The following FHIT variants were observed in gnomAD, a reference collection of about 807,000 sequenced individuals.
The protein encoded by FHIT is fragile histidine triad diadenosine triphosphatase.
Under a neutral mutation model 17.9 loss-of-function variants are expected in FHIT, and 19 were observed. The observed-to-expected ratio is 1.06, with a 90% CI of 0.74 to 1.56. The LOEUF is 1.56. Among genes scored for constraint, FHIT ranks in the 40% most tolerant of loss-of-function variants. The pLI is 0.00. For missense variants in FHIT, 248 were observed against 189.2 expected (o/e 1.31, Z -1.82); for synonymous variants, 81 against 69.7 (o/e 1.16, Z -0.81).
intron 5 of FHIT, among the ~76,000 whole-genome samples, chr3:60,205,867 G>A (rs1010039861): frequency 2.0e-5 from 3 of 151,868 alleles, no homozygotes. Context: ...CCAGCATTTT[G>A]GGAGGCCGAG....
intron 5 of FHIT, among the ~76,000 whole-genome samples, chr3:60,372,610 A>G (rs765379426): frequency 2.0e-5 from 3 of 152,202 alleles, no homozygotes; most frequent in Non-Finnish European, 4.4e-5. Context: ...CAATGAACAA[A>G]CAATCGAAAG....
chr3:60,333,846 G>C (rs1576491591), intron 5 of FHIT, among the ~76,000 whole-genome samples: 1 of 152,160 alleles, frequency 6.6e-6, no homozygotes, highest in Middle Eastern at 3.2e-3. Context: ...CCAGATTACT[G>C]TATTTGGACA....
At chr3:60,616,518 T>A (rs1244641453) in intron 4 of FHIT, among the ~76,000 whole-genome samples, 1 of 152,192 alleles carries the variant, frequency 6.6e-6, no homozygotes, top group Non-Finnish European at 1.5e-5. Flanking sequence ...ATATACAAAG[T>A]CAATTGTCTT....
At chr3:60,634,558 A>G (rs1326230550) in intron 4 of FHIT, among the ~76,000 whole-genome samples, 3 of 152,156 alleles carry the variant, frequency 2.0e-5, no homozygotes, top group Admixed American at 6.5e-5. Context: ...ATCGCAATCA[A>G]TAGACGTTGG....
chr3:60,225,117 G>A (rs149500116), intron 5 of FHIT, among the ~76,000 whole-genome samples: 2 of 152,198 alleles, frequency 1.3e-5, no homozygotes, highest in African/African-American at 2.4e-5. Flanking sequence ...GTCCTTCATA[G>A]CATTTTGTGT....
intron 5 of FHIT, among the ~76,000 whole-genome samples, chr3:60,351,323 A>T (rs1699384720): frequency 6.6e-6 from 1 of 152,182 alleles, no homozygotes; most frequent in African/African-American, 2.4e-5. Context: ...ACATTGAATT[A>T]CACTCAGACG....
chr3:61,154,936 C>T (rs571201008), intron 2 of FHIT, among the ~76,000 whole-genome samples: 48 of 152,358 alleles, frequency 3.2e-4, no homozygotes, highest in African/African-American at 9.6e-4. Flanking sequence ...CACATCATCT[C>T]ACCCCCTCAA....
At chr3:60,645,198 A>T (rs1186420815) in intron 4 of FHIT, among the ~76,000 whole-genome samples, 1 of 152,050 alleles carries the variant, frequency 6.6e-6, no homozygotes, top group Non-Finnish European at 1.5e-5. Flanking sequence ...TCTCCTTTGC[A>T]CAGTCCAGAA....
At chr3:60,551,231 G>A (rs890095178) in intron 4 of FHIT, among the ~76,000 whole-genome samples, 4 of 151,520 alleles carry the variant, frequency 2.6e-5, no homozygotes, top group Non-Finnish European at 4.4e-5. Context: ...GTCTTGTGTG[G>A]CGTTTCACTT....
At chr3:60,765,842 C>T (rs982549145) in intron 4 of FHIT, among the ~76,000 whole-genome samples, 1 of 152,166 alleles carries the variant, frequency 6.6e-6, no homozygotes, top group Non-Finnish European at 1.5e-5. Context: ...GTGCGATAAG[C>T]TGGCTTGCTG....
intron 5 of FHIT, among the ~76,000 whole-genome samples, chr3:60,416,115 TAAC>T (rs1358657407): frequency 1.3e-5 from 2 of 151,600 alleles, no homozygotes; most frequent in Non-Finnish European, 2.9e-5. Flanking sequence ...CCAATAAACA[TAAC>T]AAGATGGCCA....
intron 5 of FHIT, among the ~76,000 whole-genome samples, chr3:60,393,675 A>T (rs1346909815): frequency 6.6e-6 from 1 of 151,916 alleles, no homozygotes; most frequent in Non-Finnish European, 1.5e-5. Flanking sequence ...CGTTTTTTTT[A>T]TTTAAATAAA....
intron 3 of FHIT, among the ~76,000 whole-genome samples, chr3:60,995,153 T>C (rs11716427): frequency 0.51 from 77,592 of 151,434 alleles, 24,349 homozygotes; most frequent in East Asian, 0.74. Context: ...ACCCTGTCTC[T>C]ACTAAGAAAT....
chr3:60,638,358 A>G (rs1446012953), intron 4 of FHIT, among the ~76,000 whole-genome samples: 6 of 152,194 alleles, frequency 3.9e-5, no homozygotes, highest in Admixed American at 2.0e-4. Context: ...TCATAGCTGC[A>G]AAACCTTTGC....
At chr3:59,831,842 G>A (rs1360962570) in intron 8 of FHIT, among the ~76,000 whole-genome samples, 1 of 152,106 alleles carries the variant, frequency 6.6e-6, no homozygotes, top group Admixed American at 6.6e-5. Flanking sequence ...AAAGCAGGGT[G>A]ATATAGAGAG....
intron 8 of FHIT, among the ~76,000 whole-genome samples, chr3:59,813,319 C>T (rs893628892): frequency 3.3e-5 from 5 of 152,142 alleles, no homozygotes; most frequent in East Asian, 1.9e-4. Context: ...CCTGCACCAC[C>T]GGCTGCATAT....
chr3:60,752,337 A>G (rs2042483575), intron 4 of FHIT, among the ~76,000 whole-genome samples: 1 of 152,196 alleles, frequency 6.6e-6, no homozygotes, highest in Non-Finnish European at 1.5e-5. Flanking sequence ...TTTATTTCCC[A>G]ACAGATAACA....
chr3:60,495,365 G>A (rs545122179), intron 5 of FHIT, among the ~76,000 whole-genome samples: 4 of 152,026 alleles, frequency 2.6e-5, no homozygotes, highest in African/African-American at 7.2e-5. Flanking sequence ...AAATGGTCAA[G>A]TACTTCATTT....
intron 4 of FHIT, among the ~76,000 whole-genome samples, chr3:60,544,691 G>A (rs906549646): frequency 1.3e-4 from 19 of 143,706 alleles, no homozygotes; most frequent in South Asian, 2.2e-4. Flanking sequence ...CCGCCTCCCC[G>A]GTTCAAGCGA....
Sources: gnomAD v4.1 joint callset for allele counts (sites outside exome capture counted in the v4.1 genomes callset) on GRCh38, gnomAD v4.1.1 for gene constraint, MANE v1.5 for transcripts, NCBI Gene and HGNC (gene_info 2026-07-23, HGNC 2026-07-21) for gene names.